GREB1L: variants seen among roughly 807,000 people sequenced by gnomAD.
GREB1L encodes the protein GREB1-like protein.
In GREB1L, 17 loss-of-function variants were observed where a neutral mutation model predicts 200.8. The ratio of observed to expected loss-of-function variants is 0.08; its 90% confidence interval spans 0.06 to 0.13. GREB1L has a LOEUF of 0.13. GREB1L is among the 10% of genes least tolerant of loss of function. The probability of loss-of-function intolerance (pLI) is 1.00; values close to 1 mark genes in which losing one functional copy is unlikely to be tolerated. For missense variants in GREB1L, 1,657 were observed against 2,367.7 expected (o/e 0.70, Z 6.23); for synonymous variants, 789 against 893.0 (o/e 0.88, Z 2.08).
chr18:21,392,908 A>G (rs2040884507), intron 4 of GREB1L, among the ~76,000 whole-genome samples: 1 of 151,890 alleles, frequency 6.6e-6, no homozygotes, highest in African/African-American at 2.4e-5. Context: ...GGTAGCTGGG[A>G]CTACAAGCAC....
chr18:21,378,718 A>G lies in GREB1L; in HGVS notation c.-9-4792A>G, dbSNP rs146314880. On this transcript the variant is annotated intron_variant, in intron 2 of 32. Coordinates refer to ENST00000424526, the MANE Select transcript of GREB1L (RefSeq NM_001142966.3). Reference sequence around the variant, plus strand: ...ATGCCCTGTTATGTTTTTATTTGGAATAGAGTCAGCTAATTCCTTTTATTC... The same window carrying G: ...ATGCCCTGTTATGTTTTTATTTGGAGTAGAGTCAGCTAATTCCTTTTATTC... Among the ~76,000 whole-genome samples the G allele has an allele frequency of 1.7e-3, 260 of 152,158 alleles. 3 individuals carry two copies. Among genetic ancestry groups the G allele is most frequent in the African/African-American group, 6.0e-3 (251 of 41,510 alleles).
At chr18:21,373,857 T>C (rs1412098279) in intron 2 of GREB1L, among the ~76,000 whole-genome samples, 1 of 152,236 alleles carries the variant, frequency 6.6e-6, no homozygotes, top group Non-Finnish European at 1.5e-5. Flanking sequence ...CTTTTTCTCC[T>C]GTAGTAGCAA....
intron 11 of GREB1L, among the ~76,000 whole-genome samples, chr18:21,448,718 A>G (rs1466501582): frequency 6.6e-6 from 1 of 152,212 alleles, no homozygotes; most frequent in Non-Finnish European, 1.5e-5. Flanking sequence ...TTTAAACTAA[A>G]TGTTGAAATC....
At chr18:21,481,517 G>T (rs2035923429) in intron 17 of GREB1L, among the ~76,000 whole-genome samples, 1 of 145,096 alleles carries the variant, frequency 6.9e-6, no homozygotes, top group African/African-American at 2.6e-5. Flanking sequence ...GAATTTACCT[G>T]TTTCTTGTTT....
At chr18:21,473,672 C>T (rs548871129) in intron 16 of GREB1L, among the ~76,000 whole-genome samples, 1 of 152,116 alleles carries the variant, frequency 6.6e-6, no homozygotes, top group Non-Finnish European at 1.5e-5. Flanking sequence ...CTTTTTCCTA[C>T]CCTTTTCTTG....
intron 1 of GREB1L, among the ~76,000 whole-genome samples, chr18:21,257,449 G>T (rs1185088419): frequency 1.3e-5 from 2 of 152,108 alleles, no homozygotes; most frequent in Admixed American, 6.5e-5. Context: ...TATCAGAATT[G>T]TTTCATATCA....
At chr18:21,408,457 A>G (rs768701281) in intron 7 of GREB1L, among the ~76,000 whole-genome samples, 3 of 152,192 alleles carry the variant, frequency 2.0e-5, no homozygotes, top group Non-Finnish European at 4.4e-5. Context: ...TAATAAGCAC[A>G]TGAAAAGATG....
At chr18:21,245,542 A>T (rs554364737) in intron 1 of GREB1L, among the ~76,000 whole-genome samples, 8 of 152,146 alleles carry the variant, frequency 5.3e-5, no homozygotes, top group Non-Finnish European at 1.2e-4. Context: ...TATATTGCAG[A>T]TAATTTTCAC....
At chr18:21,400,978 TAA>T (rs953661039) in intron 5 of GREB1L, among the ~76,000 whole-genome samples, 170 bp from the exon 6 acceptor site, 15 of 152,336 alleles carry the variant, frequency 9.8e-5, no homozygotes, top group Admixed American at 9.8e-4. Flanking sequence ...TTCACTGTTA[TAA>T]AATAACTCTG....
At chr18:21,415,422 A>G (rs2031530784) in intron 7 of GREB1L, among the ~76,000 whole-genome samples, 1 of 152,178 alleles carries the variant, frequency 6.6e-6, no homozygotes, top group Non-Finnish European at 1.5e-5. Flanking sequence ...AGTCTGAAGC[A>G]GTAGGAACGC....
chr18:21,394,996 C>T (rs2040984667), intron 4 of GREB1L, among the ~76,000 whole-genome samples: 2 of 145,520 alleles, frequency 1.4e-5, no homozygotes, highest in African/African-American at 5.1e-5. Flanking sequence ...ATCTCAGCTA[C>T]TCGGGAGGCT....
At chr18:21,431,904 T>TTTTTC (rs1213899982) in intron 7 of GREB1L, among the ~76,000 whole-genome samples, 3 of 149,678 alleles carry the variant, frequency 2.0e-5, no homozygotes, top group South Asian at 2.1e-4. Context: ...TTAGAGTCTA[T>TTTTTC]TTTTCTTTTC....
chr18:21,485,458 T>A, intron 17 of GREB1L, 162 bp from the exon 18 acceptor site: 1 of 519,938 alleles, frequency 1.9e-6, no homozygotes, highest in South Asian at 4.0e-5. Flanking sequence ...GCCTCAGAGA[T>A]GACTGCAGAG....
At position 21,312,198 on chromosome 18, in the gene GREB1L, A is replaced by G. The variant is rs538941344; in HGVS notation, c.-119-53829A>G. Among the ~76,000 whole-genome samples, 5 of 152,274 alleles carry G rather than the reference A, an allele frequency of 3.3e-5. No homozygotes were observed. The East Asian group carries it at 9.7e-4, about 29-fold the overall frequency. On this transcript the variant is annotated intron_variant, in intron 1 of 32. Coordinates refer to ENST00000424526, the MANE Select transcript of GREB1L (RefSeq NM_001142966.3). The stretch of plus-strand genomic sequence containing the variant: ...GCATGGTATTCCATGGTGTATGTTT[A>G]ACACATTTTCTTTATCCAGTTCTAC...
chr18:21,445,917 A>G (rs757632315), intron 11 of GREB1L, among the ~76,000 whole-genome samples: 1 of 152,228 alleles, frequency 6.6e-6, no homozygotes, highest in East Asian at 1.9e-4. Context: ...TCTAAAGCCA[A>G]CTTCTAAATG....
At chr18:21,321,740 C>T (rs1394458171) in intron 1 of GREB1L, among the ~76,000 whole-genome samples, 1 of 152,062 alleles carries the variant, frequency 6.6e-6, no homozygotes, top group Admixed American at 6.6e-5. Flanking sequence ...AGGGCTTCTG[C>T]TAGCAGTTCT....
At chr18:21,268,515 A>G (rs1217699038) in intron 1 of GREB1L, among the ~76,000 whole-genome samples, 3 of 80,682 alleles carry the variant, frequency 3.7e-5, no homozygotes, top group African/African-American at 2.3e-4. Flanking sequence ...ATATATGTAT[A>G]TATATATACA....
chr18:21,441,387 T>C lies in GREB1L; in HGVS notation c.1070-13T>C, dbSNP rs1208662139. 2.6e-6 allele frequency: 4 copies of C among 1,511,698 alleles called. No individual in the cohort carries two copies. The highest frequency in any genetic ancestry group is 3.5e-6 in the Non-Finnish European group (4 of 1,132,500). 93.6% of individuals were successfully genotyped at this position (1,511,698 alleles called of 1,614,324 possible). ...TTCACGCCATCTTTCTTGTCAAACTTTTTTTTTTCCAGAGCCCCTTTTATC... is the reference window on the plus strand; with the variant it reads ...TTCACGCCATCTTTCTTGTCAAACTCTTTTTTTTCCAGAGCCCCTTTTATC... On this transcript the variant is annotated splice_polypyrimidine_tract_variant and intron_variant, in intron 9 of 32. Coordinates refer to ENST00000424526, the MANE Select transcript of GREB1L (RefSeq NM_001142966.3).
rs2041423723 is a variant in GREB1L, at chr18:21,403,983, T to G, written c.821T>G (p.Phe274Cys). ...NGTTNGYKSG[F>C]TQTDAANGNS... ...ACAACTAATGGATACAAATCAGGAT[T>G]CACTCAGACAGGTATGGGATATTTT... Residue 274 changes from phenylalanine to cysteine, a missense_variant, in exon 7 of 33, where the codon TTC becomes TGC. Coordinates refer to ENST00000424526, the MANE Select transcript of GREB1L (RefSeq NM_001142966.3). The G allele has an allele frequency of 6.4e-7, 1 of 1,551,398 alleles. No individual in the cohort carries two copies. Among genetic ancestry groups the G allele is most frequent in the Non-Finnish European group, 8.7e-7 (1 of 1,146,456 alleles).
Sources: allele counts gnomAD v4.1 joint callset (sites outside exome capture counted in the v4.1 genomes callset), GRCh38; gene constraint gnomAD v4.1.1; transcripts MANE v1.5; gene names NCBI Gene and HGNC (gene_info 2026-07-23, HGNC 2026-07-21).